CARMIL1: variants seen among roughly 807,000 people sequenced by gnomAD.
CARMIL1 encodes capping protein regulator and myosin 1 linker 1, also known as F-actin-uncapping protein LRRC16A.
CARMIL1 carries 90 observed loss-of-function variants against 177.1 expected under a neutral mutation model. The ratio of observed to expected loss-of-function variants is 0.51; its 90% CI spans 0.43 to 0.61. The LOEUF is 0.61. Among genes scored for constraint, CARMIL1 ranks in the 20% least tolerant of loss-of-function variants. The pLI, the probability that CARMIL1 is intolerant of heterozygous loss-of-function variation, is 0.00. For missense variants in CARMIL1, 1,380 were observed against 1,667.0 expected, an observed-to-expected ratio of 0.83 and a Z score of 3.00; for synonymous variants, 577 against 606.2, an observed-to-expected ratio of 0.95 and a Z score of 0.71.
chr6:25,506,456 G>C (rs1804922876), intron 17 of CARMIL1, among the ~76,000 whole-genome samples: 2 of 152,234 alleles, frequency 1.3e-5, no homozygotes, highest in Admixed American at 6.5e-5. Context: ...TGAGGCAGGA[G>C]AATCGCTTGA....
chr6:25,507,263 A>G (rs1456349042), intron 17 of CARMIL1, among the ~76,000 whole-genome samples: 2 of 152,176 alleles, frequency 1.3e-5, no homozygotes, highest in African/African-American at 4.8e-5. Context: ...AATTTTAGAC[A>G]TTTAATAATC....
intron 12 of CARMIL1, 127 bp from the exon 13 acceptor site, chr6:25,488,355 C>T (rs2274089): frequency 0.068 from 50,685 of 748,486 alleles, 2,179 homozygotes; most frequent in Non-Finnish European, 0.087. Flanking sequence ...CGCCACCTTT[C>T]AGGGACAGTG....
chr6:25,572,148 T>C (rs953665677), intron 29 of CARMIL1, among the ~76,000 whole-genome samples: 1 of 152,158 alleles, frequency 6.6e-6, no homozygotes, highest in Non-Finnish European at 1.5e-5. Flanking sequence ...AAGGGAGAAA[T>C]GTCAAGATGT....
chr6:25,330,586 T>A (rs1262993755), intron 2 of CARMIL1, among the ~76,000 whole-genome samples: 1 of 151,962 alleles, frequency 6.6e-6, no homozygotes, highest in East Asian at 1.9e-4. Context: ...ATGCCTGTAA[T>A]CCTAGCACTT....
chr6:25,598,548 GAT>G (rs1175400247), intron 32 of CARMIL1, among the ~76,000 whole-genome samples: 1 of 152,042 alleles, frequency 6.6e-6, no homozygotes, highest in Non-Finnish European at 1.5e-5. Context: ...CCATTACTCA[GAT>G]TTTTTATTTC....
chr6:25,617,329 G>A (rs1759361290), intron 36 of CARMIL1, among the ~76,000 whole-genome samples: 1 of 152,090 alleles, frequency 6.6e-6, no homozygotes, highest in South Asian at 2.1e-4. Flanking sequence ...TTGGTTTCTT[G>A]AATTTCTCCA....
At chr6:25,560,330 T>G (rs548529444) in intron 29 of CARMIL1, among the ~76,000 whole-genome samples, 2 of 152,206 alleles carry the variant, frequency 1.3e-5, no homozygotes, top group Admixed American at 1.3e-4. Context: ...TAGGACACAG[T>G]GGGGAGGAAG....
chr6:25,332,759 A>ACACACACACG (rs1297963924), intron 2 of CARMIL1, among the ~76,000 whole-genome samples: 10 of 132,224 alleles, frequency 7.6e-5, no homozygotes, highest in Admixed American at 4.5e-4. Flanking sequence ...ACACACACAC[A>ACACACACACG]CACACACACA....
chr6:25,355,850 A>G (rs2744238), intron 2 of CARMIL1, among the ~76,000 whole-genome samples: 22,636 of 152,160 alleles, frequency 0.15, 1,851 homozygotes, highest in African/African-American at 0.17. Context: ...AAGTATATTG[A>G]CATTACTGTG....
chr6:25,432,171 C>T (rs1256450855), intron 4 of CARMIL1, among the ~76,000 whole-genome samples: 4 of 152,106 alleles, frequency 2.6e-5, no homozygotes, highest in African/African-American at 9.7e-5. Context: ...CTGTTGCATT[C>T]CAAAGGTTAA....
At chr6:25,597,114 G>C (rs565074758) in intron 32 of CARMIL1, among the ~76,000 whole-genome samples, 2 of 152,270 alleles carry the variant, frequency 1.3e-5, no homozygotes, top group African/African-American at 4.8e-5. Context: ...GCATGGCAGA[G>C]AAGTGAAAGG....
At chr6:25,368,725 T>C (rs768496234) in intron 2 of CARMIL1, among the ~76,000 whole-genome samples, 2 of 152,196 alleles carry the variant, frequency 1.3e-5, no homozygotes, top group African/African-American at 2.4e-5. Context: ...TCAGAAATGG[T>C]TGAAATATTT....
intron 29 of CARMIL1, among the ~76,000 whole-genome samples, chr6:25,573,530 CA>C (rs1812297381): frequency 8.7e-6 from 1 of 114,446 alleles, no homozygotes; most frequent in Non-Finnish European, 1.7e-5. Flanking sequence ...AGACAGTGGC[CA>C]AAAGACGCCT....
At chr6:25,383,345 T>G (rs1791791368) in intron 2 of CARMIL1, among the ~76,000 whole-genome samples, 1 of 152,070 alleles carries the variant, frequency 6.6e-6, no homozygotes. Flanking sequence ...TTTTTTGAAG[T>G]GAAAAACAAA....
chr6:25,612,194 A>G (rs1038650977), intron 36 of CARMIL1, among the ~76,000 whole-genome samples: 1 of 152,202 alleles, frequency 6.6e-6, no homozygotes, highest in African/African-American at 2.4e-5. Flanking sequence ...CAGTCTGTAA[A>G]TGTCTGAGGT....
At chr6:25,485,323 C>T (rs972002391) in intron 12 of CARMIL1, among the ~76,000 whole-genome samples, 1 of 152,042 alleles carries the variant, frequency 6.6e-6, no homozygotes, top group Non-Finnish European at 1.5e-5. Context: ...AAGGGTCCTC[C>T]CATTTATCTT....
chr6:25,335,154 T>G (rs924242590), intron 2 of CARMIL1, among the ~76,000 whole-genome samples: 2 of 152,220 alleles, frequency 1.3e-5, no homozygotes, highest in Admixed American at 1.3e-4. Context: ...GAAGTCTCCT[T>G]GGGAATCATC....
At chr6:25,357,041 G>C (rs558185244) in intron 2 of CARMIL1, among the ~76,000 whole-genome samples, 2 of 150,992 alleles carry the variant, frequency 1.3e-5, no homozygotes, top group East Asian at 3.9e-4. Flanking sequence ...GGGTAGGATG[G>C]AGACTGTGTT....
intron 2 of CARMIL1, among the ~76,000 whole-genome samples, chr6:25,298,535 C>G (rs953958178): frequency 6.6e-6 from 1 of 152,174 alleles, no homozygotes; most frequent in Non-Finnish European, 1.5e-5. Flanking sequence ...ATTTCCAATA[C>G]GTATCTGTTT....
Sources: allele counts gnomAD v4.1 joint callset (sites outside exome capture counted in the v4.1 genomes callset), GRCh38; gene constraint gnomAD v4.1.1; transcripts MANE v1.5; gene names NCBI Gene and HGNC (gene_info 2026-07-23, HGNC 2026-07-21).